The following IMPA2 variants were observed in gnomAD, a reference collection of about 807,000 sequenced individuals.
IMPA2 encodes the protein IMP 2.
IMPA2 carries 32 observed loss-of-function variants against 35.1 expected under a neutral mutation model. That is an observed-to-expected ratio of 0.91 (90% CI 0.69 to 1.23). The LOEUF (loss-of-function observed/expected upper bound fraction) is 1.23. Ranked by LOEUF, IMPA2 falls within the 50% of genes most tolerant of loss-of-function variation. The pLI is 0.00. For missense variants in IMPA2, 334 were observed against 387.6 expected (o/e 0.86, Z 1.16); for synonymous variants, 135 against 160.6 (o/e 0.84, Z 1.20).
chr18:11,981,905 T>C (rs989578667), intron 1 of IMPA2, 140 bp downstream of exon 1: 28 of 465,706 alleles, frequency 6.0e-5, no homozygotes, highest in Non-Finnish European at 9.6e-5. Context: ...CGCGGAGCGG[T>C]GAAAGGAGCC....
intron 2 of IMPA2, among the ~76,000 whole-genome samples, chr18:12,007,628 C>CTTCTTTCTTTCTTT (rs1907297017): frequency 2.6e-5 from 3 of 116,674 alleles, no homozygotes; most frequent in Non-Finnish European, 5.1e-5. Flanking sequence ...CTTTTTCTTT[C>CTTCTTTCTTTCTTT]TTCTTTCTTT....
chr18:11,995,087 G>A (rs117079781), intron 1 of IMPA2: 2,120 of 152,720 alleles, frequency 0.014, 23 homozygotes, highest in Middle Eastern at 0.032. Flanking sequence ...GGAAAGGCCC[G>A]CAGCTGCTGA....
chr18:11,999,101 A>G lies in IMPA2; in HGVS notation c.144A>G (p.Thr48=), dbSNP rs1907045038. ...AGGAAAAACGTGTCTCAACAAAAAC[A>G]TCAGCTGCAGATCTTGTGACAGAAA... ...LTEEKRVSTK[T]SAADLVTETD... The change falls in exon 2 of 8, where the codon ACA becomes ACG. Residue 48 remains threonine (T), a synonymous_variant. Transcript: ENST00000269159. 3 of 1,613,622 alleles carry G rather than the reference A, an allele frequency of 1.9e-6. No individual in the cohort carries two copies. Among genetic ancestry groups the G allele is most frequent in the Non-Finnish European group, 2.5e-6 (3 of 1,179,700 alleles).
At chr18:12,024,701 C>T (rs1283625489) in intron 5 of IMPA2, among the ~76,000 whole-genome samples, 1 of 151,890 alleles carries the variant, frequency 6.6e-6, no homozygotes, top group Non-Finnish European at 1.5e-5. Flanking sequence ...TTTCCTTTTC[C>T]TCCCTTGCTT....
intron 5 of IMPA2, among the ~76,000 whole-genome samples, chr18:12,025,033 G>C (rs559071788): frequency 6.6e-6 from 1 of 152,034 alleles, no homozygotes; most frequent in Non-Finnish European, 1.5e-5. Flanking sequence ...CCCATGCTCC[G>C]CCTATTCTTC....
intron 5 of IMPA2, among the ~76,000 whole-genome samples, chr18:12,023,127 G>T (rs531859149): frequency 4.6e-5 from 7 of 151,894 alleles, no homozygotes; most frequent in African/African-American, 7.3e-5. Context: ...GTGGGAAAAC[G>T]TATGTTGGCA....
At chr18:12,008,449 CTCA>C in intron 2 of IMPA2, 1 of 498,206 alleles carries the variant, frequency 2.0e-6, no homozygotes, top group South Asian at 1.4e-5. Context: ...TGCCCAAGGC[CTCA>C]CCCTTAGTGA....
chr18:12,028,187 G>A (rs745877110), intron 6 of IMPA2, 36 bp downstream of exon 6: 5 of 1,367,380 alleles, frequency 3.7e-6, no homozygotes, highest in South Asian at 1.2e-5. Context: ...CCTGCAGCCC[G>A]AGGAGGAAGA....
At chr18:12,028,755 A>G in intron 6 of IMPA2, 87 bp from the exon 7 acceptor site, 2 of 1,454,866 alleles carry the variant, frequency 1.4e-6, no homozygotes, top group Non-Finnish European at 1.9e-6. Context: ...GAAAATGCCC[A>G]GCCGGGGTAC....
chr18:11,998,011 T>TAA lies in IMPA2; in HGVS notation c.97-1038_97-1037dup, dbSNP rs1220351505. On this transcript the variant is annotated intron_variant, in intron 1 of 7. Coordinates refer to ENST00000269159, the MANE Select transcript of IMPA2 (RefSeq NM_014214.3). Reference sequence around the variant, plus strand: ...AGCAAGACCCTGTCTCTTCAAAAAATAAAAAATGAGCTGGGTGCAGTACCA... The same window carrying TAA: ...AGCAAGACCCTGTCTCTTCAAAAAATAAAAAAAATGAGCTGGGTGCAGTACCA... Among the ~76,000 whole-genome samples, 3 of 151,914 alleles carry TAA rather than the reference T, an allele frequency of 2.0e-5. No homozygotes were observed. In the East Asian group the frequency reaches 5.8e-4, roughly 29 times the overall value.
chr18:11,983,943 T>G (rs1011838858), intron 1 of IMPA2, among the ~76,000 whole-genome samples: 4 of 152,152 alleles, frequency 2.6e-5, no homozygotes, highest in African/African-American at 9.7e-5. Flanking sequence ...GGAGTTCTCC[T>G]TAGTGAAGAG....
At chr18:12,017,606 T>C (rs1360959434) in intron 5 of IMPA2, 4 of 431,654 alleles carry the variant, frequency 9.3e-6, no homozygotes, top group Non-Finnish European at 1.8e-5. Flanking sequence ...TTTTGTTTTT[T>C]GAAACAGGAT....
chr18:12,002,423 G>A (rs1336301810), intron 2 of IMPA2, among the ~76,000 whole-genome samples: 2 of 152,092 alleles, frequency 1.3e-5, no homozygotes, highest in Admixed American at 6.5e-5. Context: ...GAAATCCAAA[G>A]GTTTGCTCCT....
chr18:12,027,864 G>A (rs140092318), intron 5 of IMPA2, among the ~76,000 whole-genome samples, 179 bp from the exon 6 acceptor site: 77 of 151,840 alleles, frequency 5.1e-4, no homozygotes, highest in Admixed American at 1.6e-3. Flanking sequence ...TTACAGGCAC[G>A]ATCCACTGTG....
At chr18:12,007,676 T>TTTCTTTCTTTCTTTCTTTCTTTCC (rs1568032979) in intron 2 of IMPA2, among the ~76,000 whole-genome samples, 3 of 111,272 alleles carry the variant, frequency 2.7e-5, no homozygotes, top group Admixed American at 1.1e-4. Context: ...TCTTTCTTTC[T>TTTCTTTCTTTCTTTCTTTCTTTCC]TTCCTTTCTT....
At chr18:12,009,794 C>A in intron 2 of IMPA2, 89 bp from the exon 3 acceptor site, 1 of 925,074 alleles carries the variant, frequency 1.1e-6, no homozygotes, top group Admixed American at 1.8e-5. Flanking sequence ...TGCTGTGCCA[C>A]CTTTTTCTTT....
rs1906500996 is a variant in IMPA2 at position 11,981,661 on chromosome 18, G to A, written c.-9G>A. 1.6e-6 allele frequency: 2 copies of A among 1,228,968 alleles called. No individual in the cohort carries two copies. The highest frequency in any genetic ancestry group is 3.1e-5 in the African/African-American group (2 of 64,270). The allele number at this position is 1,228,968 out of a possible 1,614,324, so 76.1% of individuals were successfully genotyped here. ...GGGGCTGGAGGTGGAGGGGCCCGGCGAGGCCGCGATGAAGCCGAGCGGCGA... is the reference window on the plus strand; with the variant it reads ...GGGGCTGGAGGTGGAGGGGCCCGGCAAGGCCGCGATGAAGCCGAGCGGCGA... On this transcript the variant is annotated 5_prime_UTR_variant, in exon 1 of 8. Coordinates refer to ENST00000269159, the MANE Select transcript of IMPA2 (RefSeq NM_014214.3).
At chr18:12,027,628 TGTG>T (rs1179143610) in intron 5 of IMPA2, among the ~76,000 whole-genome samples, 1 of 143,108 alleles carries the variant, frequency 7.0e-6, no homozygotes, top group Non-Finnish European at 1.5e-5. Flanking sequence ...CAGGCTGGAA[TGTG>T]GTGGCGCAAT....
intron 2 of IMPA2, among the ~76,000 whole-genome samples, chr18:12,003,340 G>A (rs1598692247): frequency 6.6e-6 from 1 of 151,884 alleles, no homozygotes; most frequent in Admixed American, 6.6e-5. Context: ...CATTTAACTC[G>A]TAACATGACA....
Sources: allele counts gnomAD v4.1 joint callset (sites outside exome capture counted in the v4.1 genomes callset), GRCh38; gene constraint gnomAD v4.1.1; transcripts MANE v1.5; gene names NCBI Gene and HGNC (gene_info 2026-07-23, HGNC 2026-07-21).